The following HPS5 variants were observed in gnomAD, a reference collection of about 807,000 sequenced individuals.
HPS5 encodes the protein BLOC-2 complex member HPS5.
Under a neutral mutation model 128.0 loss-of-function variants are expected in HPS5, and 83 were observed. That is an observed-to-expected ratio of 0.65 (90% confidence interval 0.54 to 0.78). The LOEUF is 0.78. Among genes scored for constraint, HPS5 ranks in the 30% least tolerant of loss-of-function variants. The pLI, the probability that HPS5 is intolerant of heterozygous loss-of-function variation, is 0.00. For missense variants in HPS5, 1,281 were observed against 1,326.2 expected, an observed-to-expected ratio of 0.97 and a Z score of 0.53; for synonymous variants, 475 against 470.2, an observed-to-expected ratio of 1.01 and a Z score of -0.13.
At chr11:18,319,777 A>G (rs975351438) in intron 1 of HPS5, among the ~76,000 whole-genome samples, 4 of 152,208 alleles carry the variant, frequency 2.6e-5, no homozygotes, top group African/African-American at 9.6e-5. Context: ...AAACATTTCA[A>G]TTACTCAAGA....
At chr11:18,286,965 G>A in intron 18 of HPS5, 1 of 612,670 alleles carries the variant, frequency 1.6e-6, no homozygotes, top group South Asian at 2.1e-5. Context: ...ATAAAAACCA[G>A]TGTGGCCAGA....
intron 10 of HPS5, among the ~76,000 whole-genome samples, chr11:18,298,413 T>C (rs1861336379): frequency 6.6e-6 from 1 of 152,174 alleles, no homozygotes; most frequent in African/African-American, 2.4e-5. Context: ...GCGAATTGCT[T>C]GAACCCAGGA....
chr11:18,286,686 C>T lies in HPS5; in HGVS notation c.2742G>A (p.Leu914=). The change falls in exon 19 of 23, where the codon CTG becomes CTA. Residue 914 remains leucine, a synonymous_variant. Transcript: ENST00000349215. ...DQRSSFLESL[L]QPESLRLDWL... ...AATCCAACCTTAAAGACTCTGGTTG[C>T]AGAAGGGACTCAAGAAAAGATGACC... 1 of 1,613,984 alleles carries T rather than the reference C, an allele frequency of 6.2e-7. No homozygotes were observed. The highest frequency in any genetic ancestry group is 8.5e-7 in the Non-Finnish European group (1 of 1,179,964).
At chr11:18,295,275 T>C in intron 13 of HPS5, 106 bp from the exon 14 acceptor site, 1 of 1,028,640 alleles carries the variant, frequency 9.7e-7, no homozygotes, top group East Asian at 2.6e-5. Flanking sequence ...GGGAGGCAAC[T>C]TGGACTTAGT....
rs1859345977 is a variant in HPS5, at chr11:18,283,846, A to G, written c.3007T>C (p.Phe1003Leu). The change falls in exon 21 of 23, where the codon TTC becomes CTC. Residue 1003 changes from phenylalanine to leucine, a missense_variant. Physicochemically the swap from Phe to Leu is conservative, Grantham distance 22. Coordinates refer to ENST00000349215, the MANE Select transcript of HPS5 (RefSeq NM_181507.2). ...TCATTCAGATACACAATATTGGTGA[A>G]GGCCTCTCTTCTTCTCTCCAGCTCC... ...CLELERRREA[F>L]TNIVYLNDMS... 1.2e-6 allele frequency: 2 copies of G among 1,613,442 alleles called. No homozygotes were observed. Among genetic ancestry groups the G allele is most frequent in the Non-Finnish European group, 1.7e-6 (2 of 1,179,592 alleles).
At chr11:18,283,738 G>T in intron 21 of HPS5, 57 bp downstream of exon 21, 3 of 1,246,542 alleles carry the variant, frequency 2.4e-6, no homozygotes, top group South Asian at 1.2e-5. Context: ...TTGTTGAGAG[G>T]TCTGGAGTAA....
chr11:18,310,970 A>T (rs749158957), intron 4 of HPS5, 37 bp from the exon 5 acceptor site: 1 of 1,529,492 alleles, frequency 6.5e-7, no homozygotes, highest in Non-Finnish European at 9.1e-7. Context: ...ACGTGGCAAC[A>T]GTGAACAAGG....
rs1428608550 is a variant in HPS5, at chr11:18,308,930, T to C, written c.611+16A>G. ...AAAATTCTGCATTTCTGATGACTAA[T>C]GGTTGGTCAATATACCTCTCAGTGT... On this transcript the variant is annotated intron_variant, in intron 6 of 22. Transcript: ENST00000349215. 2 of 1,613,626 alleles carry C rather than the reference T, an allele frequency of 1.2e-6. No homozygotes were observed. Among genetic ancestry groups the C allele is most frequent in the Non-Finnish European group, 1.7e-6 (2 of 1,179,588 alleles).
At chr11:18,301,007 G>C in intron 8 of HPS5, 91 bp from the exon 9 acceptor site, 1 of 771,782 alleles carries the variant, frequency 1.3e-6, no homozygotes, top group Non-Finnish European at 2.3e-6. Flanking sequence ...AGCTATTAAA[G>C]TAAAATCAAA....
chr11:18,295,101 A>G lies in HPS5; in HGVS notation c.1703T>C (p.Val568Ala), dbSNP rs552753964. ...GTLHTSPDLK[V>A]RPELRGDEQS... is the part of the protein sequence containing the mutation. ...CTCATCACCCCTGAGCTCTGGTCTC[A>G]CTTTCAGATCAGGGCTCGTGTGAAG... Residue 568 changes from valine to alanine, a missense_variant, in exon 14 of 23, where the codon GTG (valine) becomes GCG (alanine). Coordinates refer to ENST00000349215, the MANE Select transcript of HPS5 (RefSeq NM_181507.2). 2 of 1,614,142 alleles carry G rather than the reference A, an allele frequency of 1.2e-6. No individual in the cohort carries two copies. The highest frequency in any genetic ancestry group is 4.5e-5 in the East Asian group (2 of 44,884).
At position 18,291,982 on chromosome 11, in the gene HPS5, C is replaced by T. The variant is rs143204089; in HGVS notation, c.1900G>A (p.Glu634Lys). Residue 634 changes from glutamate to lysine, a missense_variant, in exon 16 of 23, where the codon GAG (glutamate) becomes AAG (lysine). By Grantham distance (56) the Glu-to-Lys change is moderately conservative. Coordinates refer to ENST00000349215, the MANE Select transcript of HPS5 (RefSeq NM_181507.2). ...LQDPLVLFESESLRMVLQEWL... is the reference protein window; with the variant it reads ...LQDPLVLFESKSLRMVLQEWL... ...TCCTGTAAAACCATTCTCAGAGACTCGGATTCAAATAAAACCAGAGGGTCC... is the reference window on the plus strand; with the variant it reads ...TCCTGTAAAACCATTCTCAGAGACTTGGATTCAAATAAAACCAGAGGGTCC... 2.1e-4 allele frequency: 332 copies of T among 1,613,692 alleles called. No homozygotes were observed. The East Asian group carries it at 4.6e-3, about 22-fold the overall frequency.
Position 18,292,000 on chromosome 11 carries a change from G to C in HPS5, c.1882C>G (p.Leu628Val). 6.2e-7 allele frequency: 1 copy of C among 1,613,852 alleles called. No homozygotes were observed. Among genetic ancestry groups the C allele is most frequent in the Non-Finnish European group, 8.5e-7 (1 of 1,179,908 alleles). Reference protein sequence around the residue: ...AEAMTKLQDPLVLFESESLRM... With the variant: ...AEAMTKLQDPVVLFESESLRM... The stretch of plus-strand genomic sequence containing the variant: ...AGAGACTCGGATTCAAATAAAACCA[G>C]AGGGTCCTGTAGCTTGGTCCTATAC... The change falls in exon 16 of 23, where the codon CTG (leucine) becomes GTG (valine). Residue 628 changes from leucine to valine, a missense_variant. By Grantham distance (32) the Leu-to-Val change is conservative. Transcript: ENST00000349215.
At chr11:18,293,318 A>G (rs10734259) in intron 14 of HPS5, among the ~76,000 whole-genome samples, 110,383 of 152,018 alleles carry the variant, frequency 0.73, 40,519 homozygotes, top group East Asian at 0.97. Context: ...ACAGGCACCC[A>G]GCATCATGCC....
chr11:18,287,596 G>C lies in HPS5; in HGVS notation c.2656C>G (p.His886Asp), dbSNP rs1345104174. The change falls in exon 18 of 23, where the codon CAT becomes GAT. Residue 886 changes from histidine to aspartate, a missense_variant. Physicochemically the swap from His to Asp is moderately conservative, Grantham distance 81 (BLOSUM62 -1). Transcript: ENST00000349215. ...AAATAGGCCAAAAACTCAGCAGGAT[G>C]ATGATGACAAAGTTGTATGATATCC... ...PSDIIQLCHH[H>D]PAEFLAYLDS... The C allele has an allele frequency of 1.9e-6, 3 of 1,614,150 alleles. No homozygotes were observed. Among genetic ancestry groups the C allele is most frequent in the Non-Finnish European group, 2.5e-6 (3 of 1,180,016 alleles).
intron 8 of HPS5, among the ~76,000 whole-genome samples, chr11:18,302,796 C>T (rs1363220773): frequency 1.8e-5 from 2 of 112,674 alleles, no homozygotes; most frequent in Non-Finnish European, 3.3e-5. Context: ...AGAAGGCTGC[C>T]TTCAAGAGTC....
intron 1 of HPS5, among the ~76,000 whole-genome samples, chr11:18,318,281 C>T (rs537915237): frequency 1.7e-4 from 26 of 152,330 alleles, no homozygotes; most frequent in South Asian, 2.1e-4. Flanking sequence ...TTAGGAGTCT[C>T]TCATTAAAAC....
In HPS5 at chr11:18,305,405, G is replaced by A. The variant is rs1158389923; in HGVS notation, c.896+17C>T. 1 of 1,534,404 alleles carries A rather than the reference G, an allele frequency of 6.5e-7. No homozygotes were observed. The highest frequency in any genetic ancestry group is 9.0e-7 in the Non-Finnish European group (1 of 1,108,012). ...TATTCTTTTTCCCCCCCAGAACTAAGGAAAGTAGAAACTTACCTAAGATGT... is the reference window on the plus strand; with the variant it reads ...TATTCTTTTTCCCCCCCAGAACTAAAGAAAGTAGAAACTTACCTAAGATGT... On this transcript the variant is annotated intron_variant, in intron 8 of 22. Coordinates refer to ENST00000349215, the MANE Select transcript of HPS5 (RefSeq NM_181507.2).
chr11:18,317,240 T>C (rs1447002897), intron 2 of HPS5, among the ~76,000 whole-genome samples: 1 of 149,278 alleles, frequency 6.7e-6, no homozygotes, highest in Admixed American at 6.8e-5. Context: ...ATTCCAATGC[T>C]TCTCCGGGCC....
At chr11:18,318,450 C>T (rs1863902167) in intron 1 of HPS5, among the ~76,000 whole-genome samples, 1 of 152,122 alleles carries the variant, frequency 6.6e-6, no homozygotes, top group African/African-American at 2.4e-5. Context: ...AACAGATCTA[C>T]TAAGTGAGAA....
Sources: allele counts gnomAD v4.1 joint callset (sites outside exome capture counted in the v4.1 genomes callset), GRCh38; gene constraint gnomAD v4.1.1; transcripts MANE v1.5; gene names NCBI Gene and HGNC (gene_info 2026-07-23, HGNC 2026-07-21).